Variants in ZC2HC1C observed in about 807,000 individuals in gnomAD.
ZC2HC1C encodes the protein zinc finger C2HC domain-containing protein 1C.
A neutral mutation model predicts 39.2 loss-of-function variants in ZC2HC1C; 25 were observed. The observed-to-expected ratio is 0.64, with a 90% CI of 0.47 to 0.89. The LOEUF (loss-of-function observed/expected upper bound fraction) is 0.89. ZC2HC1C is among the 40% of genes least tolerant of loss of function. The pLI is 0.00. For synonymous variants in ZC2HC1C, 209 were observed against 214.4 expected (o/e 0.97, Z 0.22); for missense variants, 519 against 548.6 (o/e 0.95, Z 0.54).
rs1222901360 is a variant in ZC2HC1C, at chr14:75,078,088, C to T, written c.*524C>T. 5 of 154,194 alleles carry T rather than the reference C, an allele frequency of 3.2e-5. No homozygotes were observed. Among genetic ancestry groups the T allele is most frequent in the Admixed American group, 3.2e-4 (5 of 15,528 alleles). 9.6% of individuals were successfully genotyped at this position (154,194 alleles called of 1,614,324 possible). On this transcript the variant is annotated 3_prime_UTR_variant, in exon 3 of 3. Transcript: ENST00000524913. ...AGGCTCCATTAAAGCTCTTTTCTTG[C>T]ATGCCTGACTTGTGGTTTGTGCTAG...
Position 75,070,787 on chromosome 14 carries a change from C to CT in ZC2HC1C, c.214_215insT (p.Pro72LeufsTer28). On this transcript the variant is annotated frameshift_variant, in exon 2 of 3. Transcript: ENST00000524913. LOFTEE classifies it high-confidence loss of function. ...GATTCTGGATAAAGTCTATACTCACCCCAAATGGAACACCCAAACAAAAGC... is the reference window on the plus strand; with the variant it reads ...GATTCTGGATAAAGTCTATACTCACCTCCAAATGGAACACCCAAACAAAAGC... 6.2e-7 allele frequency: 1 copy of CT among 1,614,166 alleles called. No homozygotes were observed. Among genetic ancestry groups the CT allele is most frequent in the Non-Finnish European group, 8.5e-7 (1 of 1,180,030 alleles).
intron 2 of ZC2HC1C, among the ~76,000 whole-genome samples, 172 bp downstream of exon 2, chr14:75,072,083 T>C (rs956815405): frequency 1.3e-5 from 2 of 152,234 alleles, no homozygotes; most frequent in African/African-American, 4.8e-5. Context: ...GAGCTTTTCA[T>C]GTGATCTCCA....
In ZC2HC1C at chr14:75,071,176, C is replaced by G. The variant is rs1185211046; in HGVS notation, c.603C>G (p.Ala201=). The stretch of plus-strand genomic sequence containing the variant: ...TTGCTGCCACGCAGGCGGAGAAGGC[C>G]GTGGCAAACTTTGACAGGACGGAGT... ...TVLAATQAEK[A]VANFDRTEWV... The change falls in exon 2 of 3, where the codon GCC becomes GCG. Residue 201 remains alanine (A), a synonymous_variant. Transcript: ENST00000524913. 1.2e-6 allele frequency: 2 copies of G among 1,613,970 alleles called. No homozygotes were observed. Among genetic ancestry groups the G allele is most frequent in the Admixed American group, 3.3e-5 (2 of 59,994 alleles).
At chr14:75,069,813 G>T (rs978755855) in intron 1 of ZC2HC1C, 64 bp downstream of exon 1, 16 of 153,228 alleles carry the variant, frequency 1.0e-4, no homozygotes, top group African/African-American at 3.8e-4. Flanking sequence ...CGAAGGGCAG[G>T]AGAGCGAGAG....
intron 2 of ZC2HC1C, among the ~76,000 whole-genome samples, chr14:75,075,947 C>T (rs1315873169): frequency 6.6e-6 from 1 of 152,064 alleles, no homozygotes; most frequent in Non-Finnish European, 1.5e-5. Flanking sequence ...GTCTCAGCTA[C>T]TTGGGAGGCT....
chr14:75,076,000 TCAACCA>T (rs1298074741), intron 2 of ZC2HC1C, among the ~76,000 whole-genome samples: 2 of 152,252 alleles, frequency 1.3e-5, no homozygotes, highest in African/African-American at 4.8e-5. Context: ...GACGTTGCAG[TCAACCA>T]AGATTGCGCC....
rs1893407848 is a variant in ZC2HC1C, at chr14:75,071,481, A to C, written c.908A>C (p.Asp303Ala). ...GAATTTAGTAGAGACAGGAGAGAGG[A>C]TGAAACTTGGGGACGGTCTCAACAA... ...EEEFSRDRREDETWGRSQQNS... is the reference protein window; with the variant it reads ...EEEFSRDRREAETWGRSQQNS... Residue 303 changes from aspartate to alanine, a missense_variant, in exon 2 of 3, where the codon GAT (aspartate) becomes GCT (alanine). Coordinates refer to ENST00000524913, the MANE Select transcript of ZC2HC1C (RefSeq NM_024643.4). 1 of 1,614,070 alleles carries C rather than the reference A, an allele frequency of 6.2e-7. No homozygotes were observed. The highest frequency in any genetic ancestry group is 1.3e-5 in the African/African-American group (1 of 74,942).
chr14:75,070,997 A>G lies in ZC2HC1C; in HGVS notation c.424A>G (p.Lys142Glu). The change falls in exon 2 of 3, where the codon AAA (lysine) becomes GAA (glutamate). Residue 142 changes from lysine to glutamate, a missense_variant. Coordinates refer to ENST00000524913, the MANE Select transcript of ZC2HC1C (RefSeq NM_024643.4). Reference sequence around the variant, plus strand: ...TGGAGTGGACCGGGCGTTCCCATTGAAACCCATGGTCCACAGGAAGTCGTG... The same window carrying G: ...TGGAGTGGACCGGGCGTTCCCATTGGAACCCATGGTCCACAGGAAGTCGTG... Reference protein sequence around the residue: ...RVGVDRAFPLKPMVHRKSCST... With the variant: ...RVGVDRAFPLEPMVHRKSCST... 1 of 1,614,214 alleles carries G rather than the reference A, an allele frequency of 6.2e-7. No homozygotes were observed. The highest frequency in any genetic ancestry group is 2.2e-5 in the East Asian group (1 of 44,882).
chr14:75,076,641 C>CT (rs541773367), intron 2 of ZC2HC1C, among the ~76,000 whole-genome samples: 68 of 152,232 alleles, frequency 4.5e-4, no homozygotes, highest in Middle Eastern at 3.4e-3. Flanking sequence ...CTCTGGTTGT[C>CT]TTTTTTTCAC....
At chr14:75,076,056 C>G (rs1893652535) in intron 2 of ZC2HC1C, among the ~76,000 whole-genome samples, 1 of 152,070 alleles carries the variant, frequency 6.6e-6, no homozygotes, top group Non-Finnish European at 1.5e-5. Flanking sequence ...GACTCCATCT[C>G]AAATAACAAC....
At position 75,070,754 on chromosome 14, in the gene ZC2HC1C, A is replaced by G. The variant is rs747605833; in HGVS notation, c.181A>G (p.Lys61Glu). The change falls in exon 2 of 3, where the codon AAA becomes GAA. Residue 61 changes from lysine to glutamate, a missense_variant. Physicochemically the swap from Lys to Glu is moderately conservative, Grantham distance 56. Transcript: ENST00000524913. ...NNFQKQLLSN[K>E]ELILDKVYTH... Reference sequence around the variant, plus strand: ...TTTCCAGAAGCAGCTTTTGAGCAACAAAGAGTTGATTCTGGATAAAGTCTA... The same window carrying G: ...TTTCCAGAAGCAGCTTTTGAGCAACGAAGAGTTGATTCTGGATAAAGTCTA... 4.5e-5 allele frequency: 72 copies of G among 1,614,236 alleles called. 1 individual carries two copies. The East Asian group carries it at 1.5e-3, about 33-fold the overall frequency.
chr14:75,073,758 T>C (rs1327705026), intron 2 of ZC2HC1C: 1 of 470,292 alleles, frequency 2.1e-6, no homozygotes, highest in Non-Finnish European at 3.7e-6. Flanking sequence ...GCTTAATAAG[T>C]GTTAACTGAA....
At chr14:75,075,918 G>A (rs1454964131) in intron 2 of ZC2HC1C, among the ~76,000 whole-genome samples, 14 of 152,092 alleles carry the variant, frequency 9.2e-5, no homozygotes, top group Admixed American at 2.0e-4. Flanking sequence ...TTAGCCGGGC[G>A]TGGTGGCGCA....
chr14:75,075,637 G>A (rs571632367), intron 2 of ZC2HC1C, among the ~76,000 whole-genome samples: 8 of 152,158 alleles, frequency 5.3e-5, no homozygotes, highest in African/African-American at 1.9e-4. Context: ...AAAAGGCTAC[G>A]GGATTCTCTA....
rs763741568 is a variant in ZC2HC1C at position 75,071,295 on chromosome 14, CAG to C, written c.725_726del (p.Glu242GlyfsTer17). The C allele has an allele frequency of 1.7e-5, 28 of 1,613,962 alleles. No individual in the cohort carries two copies. Among genetic ancestry groups the C allele is most frequent in the Non-Finnish European group, 2.3e-5 (27 of 1,180,018 alleles). On this transcript the variant is annotated frameshift_variant, in exon 2 of 3. Coordinates refer to ENST00000524913, the MANE Select transcript of ZC2HC1C (RefSeq NM_024643.4). LOFTEE classifies it high-confidence loss of function. ...CTCCTGAGGGGAAAGCTGAAGAAGA[CAG>C]AGGAGGAACTCAGAAGGATCCAGAC...
chr14:75,073,118 T>C (rs959538170), intron 2 of ZC2HC1C, among the ~76,000 whole-genome samples: 1 of 152,226 alleles, frequency 6.6e-6, no homozygotes, highest in Admixed American at 6.5e-5. Flanking sequence ...ATTTATATGA[T>C]GGTTGTTAGA....
chr14:75,077,345 C>T (rs900957392), intron 2 of ZC2HC1C, among the ~76,000 whole-genome samples, 187 bp from the exon 3 acceptor site: 1 of 152,208 alleles, frequency 6.6e-6, no homozygotes, highest in African/African-American at 2.4e-5. Context: ...TGCCTCTCAG[C>T]AGTACCTCCT....
intron 2 of ZC2HC1C, among the ~76,000 whole-genome samples, chr14:75,076,188 C>T (rs921435406): frequency 6.6e-6 from 1 of 152,148 alleles, no homozygotes; most frequent in African/African-American, 2.4e-5. Flanking sequence ...ATTTTCTAAT[C>T]TTTTCTTTTT....
At chr14:75,074,585 G>T (rs923612780) in intron 2 of ZC2HC1C, among the ~76,000 whole-genome samples, 40 of 149,446 alleles carry the variant, frequency 2.7e-4, no homozygotes, top group Admixed American at 6.0e-4. Context: ...GTTTTGTTTT[G>T]TTTTTTTTGA....
Sources: gnomAD v4.1 joint callset for allele counts (sites outside exome capture counted in the v4.1 genomes callset) on GRCh38, gnomAD v4.1.1 for gene constraint, MANE v1.5 for transcripts, NCBI Gene and HGNC (gene_info 2026-07-23, HGNC 2026-07-21) for gene names.